The following MYO10 variants were observed in gnomAD, a reference collection of about 807,000 sequenced individuals.
The protein encoded by MYO10 is myosin X.
MYO10 carries 133 observed loss-of-function variants against 257.3 expected under a neutral mutation model. The observed-to-expected ratio is 0.52, with a 90% CI of 0.45 to 0.60. The LOEUF (loss-of-function observed/expected upper bound fraction) is 0.60, where lower values mean the gene tolerates loss of function less well. Ranked by LOEUF, MYO10 falls within the 20% of genes least tolerant of loss-of-function variation. The pLI, the probability that MYO10 is intolerant of heterozygous loss-of-function variation, is 0.00. For missense variants in MYO10, 2,399 were observed against 2,635.7 expected, an observed-to-expected ratio of 0.91 and a Z score of 1.97; for synonymous variants, 1,104 against 1,028.6, an observed-to-expected ratio of 1.07 and a Z score of -1.40.
rs1161299927 is a variant in MYO10 at position 16,818,005 on chromosome 5, T to C, written c.279+4A>G. ...TTTTTAAAGGAATTACAAGTGGAAC[T>C]TACATATATTTGATTTCTCTTATAC... On this transcript the variant is annotated splice_donor_region_variant and intron_variant, in intron 3 of 40. Coordinates refer to ENST00000513610, the MANE Select transcript of MYO10 (RefSeq NM_012334.3). 6.5e-6 allele frequency: 10 copies of C among 1,534,012 alleles called. No individual in the cohort carries two copies. Among genetic ancestry groups the C allele is most frequent in the Non-Finnish European group, 7.1e-6 (8 of 1,129,770 alleles).
In MYO10 at chr5:16,701,914, G is replaced by T; in HGVS notation, c.2557-76C>A. 1 of 1,477,448 alleles carries T rather than the reference G, an allele frequency of 6.8e-7. No individual in the cohort carries two copies. Among genetic ancestry groups the T allele is most frequent in the Non-Finnish European group, 9.0e-7 (1 of 1,106,250 alleles). The allele number at this position is 1,477,448 out of a possible 1,614,324, so 91.5% of individuals were successfully genotyped here. A position where few individuals can be genotyped will look rare whatever the true frequency, so the allele number is the denominator to read the frequency against. ...AGCATAGCTCCCGCTTTGCAACCAG[G>T]ATGAAATATGGTCATTATGAGTTGG... On this transcript the variant is annotated intron_variant, in intron 24 of 40. Transcript: ENST00000513610. This position sits in a 1 kb window ranked among gnomAD's most constrained non-coding sequence, Gnocchi z 8.1.
chr5:16,831,803 T>G (rs550077899), intron 2 of MYO10, among the ~76,000 whole-genome samples: 2 of 152,214 alleles, frequency 1.3e-5, no homozygotes, highest in Admixed American at 6.5e-5. Context: ...TGCACCAAAA[T>G]CTCTCTAATC....
intron 19 of MYO10, among the ~76,000 whole-genome samples, chr5:16,727,263 C>G (rs1463080312): frequency 3.3e-5 from 5 of 152,050 alleles, no homozygotes; most frequent in Admixed American, 2.6e-4. Flanking sequence ...ACATTCTATT[C>G]CTATTGAACA....
chr5:16,672,429 C>G (rs572021352), intron 37 of MYO10, among the ~76,000 whole-genome samples: 1 of 152,118 alleles, frequency 6.6e-6, no homozygotes, highest in East Asian at 1.9e-4. Context: ...CAAGAAATAC[C>G]CAGACGGGTC....
At chr5:16,872,148 C>T (rs1381743753) in intron 2 of MYO10, among the ~76,000 whole-genome samples, 6 of 152,126 alleles carry the variant, frequency 3.9e-5, no homozygotes, top group Admixed American at 2.6e-4. Context: ...CCCAGACTGC[C>T]GACCACAAGT....
chr5:16,742,079 A>G (rs957966678), intron 19 of MYO10: 2 of 985,204 alleles, frequency 2.0e-6, no homozygotes, highest in African/African-American at 1.7e-5. Context: ...ACGCATCAAC[A>G]AATGTGTAAT....
chr5:16,698,265 C>CG (rs1561189995), intron 26 of MYO10, among the ~76,000 whole-genome samples: 1 of 151,986 alleles, frequency 6.6e-6, no homozygotes, highest in Non-Finnish European at 1.5e-5. Flanking sequence ...ATGAAGGCTG[C>CG]GGCAGGAAGA....
intron 26 of MYO10, among the ~76,000 whole-genome samples, chr5:16,694,863 G>A (rs566951453): frequency 1.3e-5 from 2 of 152,296 alleles, no homozygotes; most frequent in East Asian, 1.9e-4. Flanking sequence ...TCACTTAGCT[G>A]AGAAAGCTTT....
At chr5:16,821,981 T>TC (rs2126708832) in intron 2 of MYO10, among the ~76,000 whole-genome samples, 1 of 35,978 alleles carries the variant, frequency 2.8e-5, no homozygotes, top group South Asian at 2.4e-3. Context: ...AATGTGTATT[T>TC]CAAAAAAAAA....
At chr5:16,794,910 G>C in intron 3 of MYO10, 77 bp from the exon 4 acceptor site, 1 of 1,161,154 alleles carries the variant, frequency 8.6e-7, no homozygotes, top group Non-Finnish European at 1.1e-6. Context: ...AACCCACCGA[G>C]TGTGCGCCAG....
chr5:16,703,347 TAACA>T (rs1183247343), intron 22 of MYO10, among the ~76,000 whole-genome samples, 189 bp from the exon 23 acceptor site: 1 of 152,030 alleles, frequency 6.6e-6, no homozygotes, highest in Non-Finnish European at 1.5e-5. Flanking sequence ...AAAGAAATAA[TAACA>T]AACAAAACTA....
At chr5:16,832,514 G>GT (rs1365450647) in intron 2 of MYO10, among the ~76,000 whole-genome samples, 1 of 152,136 alleles carries the variant, frequency 6.6e-6, no homozygotes, top group Non-Finnish European at 1.5e-5. Flanking sequence ...TTTAAACATA[G>GT]TAAGTTTCAG....
intron 25 of MYO10, among the ~76,000 whole-genome samples, chr5:16,699,868 C>T (rs1459294222): frequency 6.8e-6 from 1 of 148,118 alleles, no homozygotes; most frequent in African/African-American, 2.5e-5. Flanking sequence ...CGGTAGCACA[C>T]AAATAATTCG....
At chr5:16,911,790 C>A (rs536150535) in intron 1 of MYO10, among the ~76,000 whole-genome samples, 3 of 152,174 alleles carry the variant, frequency 2.0e-5, no homozygotes, top group South Asian at 2.1e-4. Context: ...GTAATCCCAG[C>A]AGTTTAGGAG....
Position 16,783,357 on chromosome 5 carries a change from C to G in MYO10, c.580G>C (p.Glu194Gln), listed in dbSNP as rs370333036. The G allele has an allele frequency of 9.6e-5, 152 of 1,590,234 alleles. No individual in the cohort carries two copies. The highest frequency in any genetic ancestry group is 1.2e-4 in the Non-Finnish European group (146 of 1,170,020). Residue 194 changes from glutamate to glutamine, a missense_variant, in exon 5 of 41, where the codon GAA becomes CAA. Transcript: ENST00000513610. ...LSLKEKTSCV[E>Q]RAILESSPIM... ...TACCTGCTTTCAAGAATAGCTCGTTCAACACAGGATGTCTTCTCCTTTAAG... is the reference window on the plus strand; with the variant it reads ...TACCTGCTTTCAAGAATAGCTCGTTGAACACAGGATGTCTTCTCCTTTAAG...
chr5:16,688,866 T>A (rs1224179808), intron 28 of MYO10, among the ~76,000 whole-genome samples: 2 of 151,938 alleles, frequency 1.3e-5, no homozygotes, highest in East Asian at 3.9e-4. Context: ...CGGTGTCAGA[T>A]CCACAAGGTG....
intron 19 of MYO10, among the ~76,000 whole-genome samples, chr5:16,730,006 A>G (rs1739520718): frequency 6.6e-6 from 1 of 152,148 alleles, no homozygotes; most frequent in Non-Finnish European, 1.5e-5. Context: ...TTTGGTCCCA[A>G]CCCTGATTCT....
chr5:16,682,127 C>T lies in MYO10; in HGVS notation c.4047-114G>A, dbSNP rs1481691307. The T allele has an allele frequency of 3.3e-6, 4 of 1,225,554 alleles. No homozygotes were observed. The African/African-American group carries it at 4.5e-5, about 14-fold the overall frequency. 75.9% of individuals were successfully genotyped at this position (1,225,554 alleles called of 1,614,324 possible). ...TGGCTTCTGGGTCACGGGATATACA[C>T]TGCTAGGCTATCTGTGCTTTTATTA... is the stretch of plus-strand genomic sequence containing the variant. On this transcript the variant is annotated intron_variant, in intron 30 of 40. Transcript: ENST00000513610.
At chr5:16,869,081 G>C (rs1287632078) in intron 2 of MYO10, among the ~76,000 whole-genome samples, 1 of 152,064 alleles carries the variant, frequency 6.6e-6, no homozygotes, top group African/African-American at 2.4e-5. Context: ...GTGGAGTGCA[G>C]TGGCGCCATT....
Sources: gnomAD v4.1 joint callset for allele counts (sites outside exome capture counted in the v4.1 genomes callset) on GRCh38, gnomAD v4.1.1 for gene constraint, Gnocchi (gnomAD v3.1) non-coding constraint, MANE v1.5 for transcripts, NCBI Gene and HGNC (gene_info 2026-07-23, HGNC 2026-07-21) for gene names.